Variants in PRMT8 observed in about 807,000 individuals in gnomAD.
PRMT8 encodes protein arginine N-methyltransferase 8.
Under a neutral mutation model 47.1 loss-of-function variants are expected in PRMT8, and 7 were observed. The ratio of observed to expected loss-of-function variants is 0.15; its 90% CI spans 0.08 to 0.28. The LOEUF is 0.28. PRMT8 is among the 10% of genes least tolerant of loss of function. The pLI is 1.00. For missense variants in PRMT8, 237 were observed against 505.4 expected (o/e 0.47, Z 5.09); for synonymous variants, 188 against 186.5 (o/e 1.01, Z -0.07).
At chr12:3,385,903 C>T (rs980609643) in intron 1 of PRMT8, among the ~76,000 whole-genome samples, 52 of 120,522 alleles carry the variant, frequency 4.3e-4, no homozygotes, top group African/African-American at 1.5e-3. Context: ...GTTCTTTTGT[C>T]TACTTGTTCA....
At position 3,592,301 on chromosome 12, in the gene PRMT8, G is replaced by C. The variant is rs71534238; in HGVS notation, c.1050G>C (p.Arg350Ser). 1.0e-4 allele frequency: 164 copies of C among 1,599,394 alleles called. No individual in the cohort carries two copies. The highest frequency in any genetic ancestry group is 2.7e-4 in the African/African-American group (20 of 74,168). ...TGGAAGATTACCTCACTGTCCGGAG[G>C]GGGGAGGAAATCTACGGGACCATAT... ...FYLEDYLTVRRGEEIYGTISM... is the reference protein window; with the variant it reads ...FYLEDYLTVRSGEEIYGTISM... The change falls in exon 9 of 10, where the codon AGG becomes AGC. Residue 350 changes from arginine to serine, a missense_variant. By Grantham distance (110) the Arg-to-Ser change is moderately radical. This residue lies in a region of PRMT8 where 151 missense variants were observed against 341.1 expected (regional missense o/e 0.44). Transcript: ENST00000382622.
intron 1 of PRMT8, among the ~76,000 whole-genome samples, chr12:3,518,427 T>C (rs758611): frequency 0.83 from 124,827 of 150,994 alleles, 53,340 homozygotes; most frequent in Non-Finnish European, 0.93. Context: ...AGGCCACTCT[T>C]GGAAAATCCC....
intron 1 of PRMT8, among the ~76,000 whole-genome samples, chr12:3,532,942 G>A (rs1362403478): frequency 6.6e-6 from 1 of 152,156 alleles, no homozygotes; most frequent in South Asian, 2.1e-4. Flanking sequence ...TCAGCCGAGG[G>A]TCCTGGGAGG....
chr12:3,442,508 C>T (rs954454300), intron 1 of PRMT8, among the ~76,000 whole-genome samples: 6 of 152,086 alleles, frequency 3.9e-5, no homozygotes, highest in South Asian at 2.1e-4. Context: ...CCTCCTGGTG[C>T]GGCTGCCTGT....
At chr12:3,447,851 A>G (rs1215869101) in intron 1 of PRMT8, among the ~76,000 whole-genome samples, 1 of 152,184 alleles carries the variant, frequency 6.6e-6, no homozygotes, top group Non-Finnish European at 1.5e-5. Context: ...TTTCTTAAGG[A>G]GAAAACTACA....
At chr12:3,445,084 G>A (rs1444436433) in intron 1 of PRMT8, among the ~76,000 whole-genome samples, 1 of 152,254 alleles carries the variant, frequency 6.6e-6, no homozygotes, top group Admixed American at 6.5e-5. Context: ...GTGGCTTGGA[G>A]ACAGCCTCTA....
At chr12:3,423,244 G>A (rs1864563270) in intron 1 of PRMT8, among the ~76,000 whole-genome samples, 1 of 152,184 alleles carries the variant, frequency 6.6e-6, no homozygotes, top group Non-Finnish European at 1.5e-5. Flanking sequence ...AATTCCCACA[G>A]ACCCCTCCTT....
chr12:3,519,036 C>T (rs1010291113), intron 1 of PRMT8, among the ~76,000 whole-genome samples: 1 of 152,154 alleles, frequency 6.6e-6, no homozygotes, highest in Non-Finnish European at 1.5e-5. Flanking sequence ...GGAGAGCCGG[C>T]CACACAGCTA....
chr12:3,485,226 A>T (rs1376799769), intron 1 of PRMT8, among the ~76,000 whole-genome samples: 1 of 152,214 alleles, frequency 6.6e-6, no homozygotes, highest in East Asian at 1.9e-4. Flanking sequence ...AGCATCTCTC[A>T]TGAGCCTTTC....
chr12:3,466,654 C>T lies in PRMT8; in HGVS notation c.49-73952C>T, dbSNP rs1022878241. On this transcript the variant is annotated intron_variant, in intron 1 of 9. Transcript: ENST00000452611. ...TTAGAGTAACAGATTTTGACAAATA[C>T]GCTCAACAGCTAGTGACATTATCTT... Among the ~76,000 whole-genome samples the T allele has an allele frequency of 7.2e-5, 11 of 152,106 alleles. 1 individual carries two copies. The highest frequency in any genetic ancestry group is 2.2e-4 in the African/African-American group (9 of 41,396).
chr12:3,542,072 A>G (rs1866241821), intron 2 of PRMT8, among the ~76,000 whole-genome samples: 1 of 152,234 alleles, frequency 6.6e-6, no homozygotes, highest in Non-Finnish European at 1.5e-5. Context: ...TGGAAACTGT[A>G]AAAATTAAAT....
chr12:3,414,449 T>A (rs1864463846), intron 1 of PRMT8, among the ~76,000 whole-genome samples: 2 of 152,194 alleles, frequency 1.3e-5, no homozygotes, highest in South Asian at 4.1e-4. Flanking sequence ...CTGGAGTGGC[T>A]TGTTTCACTC....
chr12:3,384,754 G>A (rs1047644158), intron 1 of PRMT8, among the ~76,000 whole-genome samples: 7 of 152,152 alleles, frequency 4.6e-5, no homozygotes, highest in Admixed American at 2.6e-4. Flanking sequence ...GAATGGAAAC[G>A]GGAGTGGAGT....
rs535242414 is a variant in PRMT8, at chr12:3,419,429, C to T, written c.48+37987C>T. ...AGACCTACCTTCTGAGCCCTCGAAC[C>T]CTGAAGCTGCATGCTTTCTTTTACC... On this transcript the variant is annotated intron_variant, in intron 1 of 9. Coordinates refer to the PRMT8 transcript ENST00000452611. Among the ~76,000 whole-genome samples, 2 of 152,280 alleles carry T rather than the reference C, an allele frequency of 1.3e-5. 1 individual carries two copies. Among genetic ancestry groups the T allele is most frequent in the African/African-American group, 4.8e-5 (2 of 41,566 alleles).
At chr12:3,414,076 G>A (rs1244770466) in intron 1 of PRMT8, among the ~76,000 whole-genome samples, 1 of 152,138 alleles carries the variant, frequency 6.6e-6, no homozygotes, top group African/African-American at 2.4e-5. Flanking sequence ...ATATAGGTGA[G>A]TTACTCATTG....
intron 1 of PRMT8, among the ~76,000 whole-genome samples, chr12:3,433,879 C>T (rs535100617): frequency 6.6e-6 from 1 of 152,350 alleles, no homozygotes; most frequent in East Asian, 1.9e-4. Context: ...GCTGGGATTA[C>T]AGGCGTGAGC....
At chr12:3,513,419 CT>C (rs1865742728) in intron 1 of PRMT8, among the ~76,000 whole-genome samples, 1 of 152,142 alleles carries the variant, frequency 6.6e-6, no homozygotes, top group Admixed American at 6.5e-5. Context: ...GATTTTATAT[CT>C]AGTTTGAGTA....
At chr12:3,483,468 A>C (rs1025481305) in intron 1 of PRMT8, among the ~76,000 whole-genome samples, 1 of 151,352 alleles carries the variant, frequency 6.6e-6, no homozygotes, top group African/African-American at 2.4e-5. Context: ...TTTCCTGTGG[A>C]ATAACTTGAG....
At chr12:3,413,259 G>A (rs542473600) in intron 1 of PRMT8, among the ~76,000 whole-genome samples, 14 of 152,280 alleles carry the variant, frequency 9.2e-5, no homozygotes, top group African/African-American at 2.9e-4. Flanking sequence ...ATAAATGGGA[G>A]TTCCCGTGAA....
Sources: allele counts gnomAD v4.1 joint callset (sites outside exome capture counted in the v4.1 genomes callset), GRCh38; gene constraint gnomAD v4.1.1; regional missense constraint gnomAD v4.1.1; transcripts MANE v1.5; gene names NCBI Gene and HGNC (gene_info 2026-07-23, HGNC 2026-07-21).